The following ABHD18 variants were observed in gnomAD, a reference collection of about 807,000 sequenced individuals.
ABHD18 encodes cardiolipin-specific deacylase, mitochondrial.
Under a neutral mutation model 65.9 loss-of-function variants are expected in ABHD18, and 55 were observed. The observed-to-expected ratio is 0.84, with a 90% CI of 0.67 to 1.05. ABHD18 has a LOEUF of 1.05. Ranked by LOEUF, ABHD18 falls within the 50% of genes least tolerant of loss-of-function variation. The pLI is 0.00. For synonymous variants in ABHD18, 181 were observed against 180.2 expected (o/e 1.00, Z -0.04); for missense variants, 533 against 558.5 (o/e 0.95, Z 0.46).
In ABHD18 at chr4:128,028,671, A is replaced by G. The variant is rs761237962; in HGVS notation, c.998A>G (p.Asp333Gly). The G allele has an allele frequency of 6.2e-7, 1 of 1,613,890 alleles. No homozygotes were observed. The highest frequency in any genetic ancestry group is 1.3e-5 in the African/African-American group (1 of 75,058). The stretch of plus-strand genomic sequence containing the variant: ...ACATCAGAAGGACTCTTATTGCAAG[A>G]TACCTCTAAGATGAAGCGCTTCAAT... ...SATSEGLLLQ[D>G]TSKMKRFNQT... Residue 333 changes from aspartate (D) to glycine (G), a missense_variant, in exon 11 of 13, where the codon GAT (aspartate) becomes GGT (glycine). Physicochemically the swap from Asp to Gly is moderately conservative, Grantham distance 94. Transcript: ENST00000645843.
At chr4:128,013,834 G>C (rs1003711102) in intron 7 of ABHD18, among the ~76,000 whole-genome samples, 1 of 152,124 alleles carries the variant, frequency 6.6e-6, no homozygotes, top group African/African-American at 2.4e-5. Context: ...TGTGGTCATA[G>C]CATGAAAGAG....
rs1217444782 is a variant in ABHD18, at chr4:128,039,100, ATATG to A, written c.*3294_*3297del. On this transcript the variant is annotated 3_prime_UTR_variant, in exon 13 of 13. Coordinates refer to ENST00000645843, the MANE Select transcript of ABHD18 (RefSeq NM_001358451.3). ...TACACACACACGTATGTGTGTATAT[ATATG>A]TATGTACGTATATATATGTATTATA... 2.7e-5 allele frequency: 4 copies of A among 147,638 alleles called. No homozygotes were observed. In the East Asian group the frequency reaches 5.9e-4, roughly 22 times the overall value. 9.1% of individuals were successfully genotyped at this position (147,638 alleles called of 1,614,324 possible). A position where few individuals can be genotyped will look rare whatever the true frequency, so the allele number is the denominator to read the frequency against.
At chr4:128,011,533 C>T (rs1754577477) in intron 6 of ABHD18, 140 bp from the exon 7 acceptor site, 2 of 367,992 alleles carry the variant, frequency 5.4e-6, no homozygotes, top group Non-Finnish European at 9.3e-6. Context: ...AACTTAAGAA[C>T]TTCTAAACAG....
Position 128,008,932 on chromosome 4 carries a change from T to C in ABHD18, c.291T>C (p.Ile97=), listed in dbSNP as rs750719881. The change falls in exon 5 of 13, where the codon ATT becomes ATC. Residue 97 remains isoleucine (I), a synonymous_variant. Coordinates refer to ENST00000645843, the MANE Select transcript of ABHD18 (RefSeq NM_001358451.3). ...CTTTTAAAAATAGGTTCCAATTTATTGTGCCTAAAGAATGGAACAGCAAAT... is the reference window on the plus strand; with the variant it reads ...CTTTTAAAAATAGGTTCCAATTTATCGTGCCTAAAGAATGGAACAGCAAAT... The part of the protein sequence containing the change: ...IESVIARFQF[I]VPKEWNSKYR... 2 of 1,605,618 alleles carry C rather than the reference T, an allele frequency of 1.2e-6. No homozygotes were observed. Among genetic ancestry groups the C allele is most frequent in the East Asian group, 2.2e-5 (1 of 44,666 alleles).
At chr4:127,993,384 T>C (rs1579242194) in intron 4 of ABHD18, among the ~76,000 whole-genome samples, 1 of 152,228 alleles carries the variant, frequency 6.6e-6, no homozygotes, top group African/African-American at 2.4e-5. Flanking sequence ...TTCCTGTCTC[T>C]GCAGTGGCAT....
At chr4:127,989,602 C>A in intron 3 of ABHD18, 119 bp from the exon 4 acceptor site, 1 of 565,356 alleles carries the variant, frequency 1.8e-6, no homozygotes. Context: ...AAAAAGTTTA[C>A]ATAGTAGGTG....
chr4:128,017,253 T>A (rs1755670988), intron 7 of ABHD18, 110 bp from the exon 8 acceptor site: 1 of 1,010,742 alleles, frequency 9.9e-7, no homozygotes, highest in African/African-American at 1.6e-5. Context: ...TACTTAACTA[T>A]CTGGTCCTTT....
intron 4 of ABHD18, among the ~76,000 whole-genome samples, chr4:127,998,797 A>C (rs985390200): frequency 6.6e-6 from 1 of 152,170 alleles, no homozygotes; most frequent in African/African-American, 2.4e-5. Flanking sequence ...TATTCTAGTA[A>C]CTTATAAATG....
intron 10 of ABHD18, 38 bp downstream of exon 10, chr4:128,021,276 G>T: frequency 1.7e-6 from 2 of 1,194,450 alleles, no homozygotes; most frequent in East Asian, 2.6e-5. Flanking sequence ...TGGTGGTGGG[G>T]GGAGTTGATT....
chr4:128,036,846 C>T lies in ABHD18; in HGVS notation c.*1033C>T. 6.6e-6 allele frequency: 1 copy of T among 152,306 alleles called. No homozygotes were observed. Among genetic ancestry groups the T allele is most frequent in the Non-Finnish European group, 1.5e-5 (1 of 68,096 alleles). 9.4% of individuals were successfully genotyped at this position (152,306 alleles called of 1,614,324 possible). On this transcript the variant is annotated 3_prime_UTR_variant, in exon 13 of 13. Transcript: ENST00000645843. ...TTAAAAAATGCCAATAGGCCGGGTG[C>T]AGTGGCTCATGCCTGTAATCCCAGC...
intron 1 of ABHD18, among the ~76,000 whole-genome samples, chr4:127,974,208 T>G (rs1579126402): frequency 6.9e-6 from 1 of 145,908 alleles, no homozygotes; most frequent in African/African-American, 2.5e-5. Context: ...TTTTTTTTTT[T>G]TTTTTTTGAG....
chr4:127,978,831 G>GT (rs778864834), intron 1 of ABHD18, among the ~76,000 whole-genome samples: 8 of 152,230 alleles, frequency 5.3e-5, no homozygotes, highest in Admixed American at 1.3e-4. Flanking sequence ...GTTACATCCT[G>GT]ATAAACCCCA....
Position 127,989,763 on chromosome 4 carries a change from GT to G in ABHD18, c.223del (p.Ser75ProfsTer53). 6.2e-7 allele frequency: 1 copy of G among 1,602,466 alleles called. No homozygotes were observed. Among genetic ancestry groups the G allele is most frequent in the South Asian group, 1.1e-5 (1 of 88,444 alleles). ...TTGTAAGATCTTAGATGGACACTTT[GT>G]TTCCCCCATGGCTCACTATGTGCCT... is the stretch of plus-strand genomic sequence containing the variant. ...SDCKILDGHF[V>X]SPMAHYVPDI... is the part of the protein sequence containing the mutation. On this transcript the variant is annotated frameshift_variant, in exon 4 of 13. Transcript: ENST00000645843. LOFTEE classifies it high-confidence loss of function.
intron 10 of ABHD18, among the ~76,000 whole-genome samples, chr4:128,023,403 CAAAAAAAAAAAAAAAAA>C (rs59549849): frequency 6.7e-5 from 3 of 44,950 alleles, no homozygotes; most frequent in East Asian, 9.3e-4. Context: ...CTTGTCTCTA[CAAAAAAAAAAAAAAAAA>C]AAAAAAAAAA....
chr4:128,003,143 C>G (rs898004388), intron 4 of ABHD18, among the ~76,000 whole-genome samples: 2 of 151,338 alleles, frequency 1.3e-5, no homozygotes, highest in African/African-American at 4.9e-5. Flanking sequence ...CTGAGGTGGG[C>G]GGATCATGAG....
chr4:127,992,932 C>CA, intron 4 of ABHD18, among the ~76,000 whole-genome samples: 1 of 151,718 alleles, frequency 6.6e-6, no homozygotes, highest in African/African-American at 2.4e-5. Flanking sequence ...CTGTCTCTAC[C>CA]AAAAAAATAG....
At chr4:128,024,372 T>C (rs1757018418) in intron 10 of ABHD18, among the ~76,000 whole-genome samples, 1 of 152,190 alleles carries the variant, frequency 6.6e-6, no homozygotes, top group Non-Finnish European at 1.5e-5. Context: ...TTCAACACTA[T>C]TACATTGGGG....
In ABHD18 at chr4:127,983,059, T is replaced by G; in HGVS notation, c.92+12T>G. The G allele has an allele frequency of 6.5e-7, 1 of 1,534,422 alleles. No homozygotes were observed. On this transcript the variant is annotated intron_variant, in intron 2 of 12. Transcript: ENST00000645843. ...GAAGATCTCAAAAGGCAAGCAATTTTTTTTCCTGAATACTTGTTCTGAATT... is the reference window on the plus strand; with the variant it reads ...GAAGATCTCAAAAGGCAAGCAATTTGTTTTCCTGAATACTTGTTCTGAATT...
At chr4:127,969,401 A>G (rs1046339334) in intron 1 of ABHD18, among the ~76,000 whole-genome samples, 4 of 151,730 alleles carry the variant, frequency 2.6e-5, no homozygotes, top group Admixed American at 6.6e-5. Context: ...GGGTTTCTCC[A>G]TGGGTCAGGC....
Sources: allele counts gnomAD v4.1 joint callset (sites outside exome capture counted in the v4.1 genomes callset), GRCh38; gene constraint gnomAD v4.1.1; transcripts MANE v1.5; gene names NCBI Gene and HGNC (gene_info 2026-07-23, HGNC 2026-07-21).